Variants in NAALADL2 observed in about 807,000 individuals in gnomAD.
NAALADL2 encodes the protein N-acetylated alpha-linked acidic dipeptidase like 2.
A neutral mutation model predicts 87.2 loss-of-function variants in NAALADL2; 76 were observed. The ratio of observed to expected loss-of-function variants is 0.87; its 90% CI spans 0.72 to 1.05. The LOEUF (loss-of-function observed/expected upper bound fraction) is 1.05. Ranked by LOEUF, NAALADL2 falls within the 50% of genes least tolerant of loss-of-function variation. The probability of loss-of-function intolerance (pLI) is 0.00; values close to 1 mark genes in which losing one functional copy is unlikely to be tolerated. For synonymous variants in NAALADL2, 354 were observed against 331.0 expected (o/e 1.07, Z -0.75); for missense variants, 1,089 against 945.8 (o/e 1.15, Z -1.99).
At chr3:175,800,036 T>C (rs1753954498) in intron 13 of NAALADL2, among the ~76,000 whole-genome samples, 1 of 152,182 alleles carries the variant, frequency 6.6e-6, no homozygotes, top group South Asian at 2.1e-4. Flanking sequence ...ATTTATTGAA[T>C]ATATAGTTTA....
intron 1 of NAALADL2, among the ~76,000 whole-genome samples, chr3:174,886,039 G>T (rs955326430): frequency 6.6e-6 from 1 of 151,298 alleles, no homozygotes; most frequent in East Asian, 2.0e-4. Context: ...TCAGTCTCCT[G>T]AGTAGCTGGG....
At chr3:174,951,511 G>A (rs1230273237) in intron 1 of NAALADL2, among the ~76,000 whole-genome samples, 1 of 152,052 alleles carries the variant, frequency 6.6e-6, no homozygotes, top group Non-Finnish European at 1.5e-5. Context: ...ATCCTAATCT[G>A]TGTTCTCCTT....
At chr3:175,696,412 T>A (rs1456707197) in intron 11 of NAALADL2, among the ~76,000 whole-genome samples, 1 of 152,086 alleles carries the variant, frequency 6.6e-6, no homozygotes, top group Non-Finnish European at 1.5e-5. Flanking sequence ...GCTTGGGGGA[T>A]CATTTGGAAG....
chr3:175,223,938 T>A (rs1050878205), intron 2 of NAALADL2, among the ~76,000 whole-genome samples: 1 of 152,184 alleles, frequency 6.6e-6, no homozygotes, highest in African/African-American at 2.4e-5. Flanking sequence ...CTAAATGCTC[T>A]AAGAAACTCT....
intron 3 of NAALADL2, among the ~76,000 whole-genome samples, chr3:174,752,072 G>T (rs920918159): frequency 6.6e-6 from 1 of 151,954 alleles, no homozygotes; most frequent in Admixed American, 6.6e-5. Flanking sequence ...CTGCCTCCCG[G>T]GTTCACGCCA....
chr3:174,835,469 C>A (rs924899202), intron 3 of NAALADL2, among the ~76,000 whole-genome samples: 2 of 151,856 alleles, frequency 1.3e-5, no homozygotes, highest in African/African-American at 4.8e-5. Context: ...CATATGACAC[C>A]AAGAATACAA....
intron 2 of NAALADL2, among the ~76,000 whole-genome samples, chr3:174,685,318 T>C (rs1727930965): frequency 6.6e-6 from 1 of 152,106 alleles, no homozygotes; most frequent in East Asian, 1.9e-4. Flanking sequence ...TCATCTTGAT[T>C]CTTCTCTTTC....
At chr3:175,660,232 AT>A in intron 11 of NAALADL2, among the ~76,000 whole-genome samples, 1 of 152,242 alleles carries the variant, frequency 6.6e-6, no homozygotes, top group African/African-American at 2.4e-5. Flanking sequence ...CAACATGTAC[AT>A]TTTGGAGGGA....
At chr3:175,304,958 C>T (rs573503071) in intron 4 of NAALADL2, among the ~76,000 whole-genome samples, 59 of 151,938 alleles carry the variant, frequency 3.9e-4, no homozygotes, top group South Asian at 1.7e-3. Context: ...GTAAACTATA[C>T]GTGAACTAAA....
chr3:174,531,611 T>C (rs187862198), intron 1 of NAALADL2, among the ~76,000 whole-genome samples: 1 of 152,290 alleles, frequency 6.6e-6, no homozygotes, highest in African/African-American at 2.4e-5. Context: ...TCTGGGGAAA[T>C]GATGTTTATT....
intron 13 of NAALADL2, chr3:175,767,424 C>T (rs922390172): frequency 6.6e-6 from 1 of 151,870 alleles, no homozygotes; most frequent in Non-Finnish European, 1.5e-5. Context: ...GTATTTCCTC[C>T]CAGTCTACCT....
intron 13 of NAALADL2, among the ~76,000 whole-genome samples, chr3:175,755,708 A>G (rs745921498): frequency 4.6e-5 from 7 of 150,798 alleles, no homozygotes; most frequent in Non-Finnish European, 7.4e-5. Flanking sequence ...ATGGAATTAT[A>G]GGTTGCACTG....
chr3:174,576,468 A>G (rs1223979933), intron 2 of NAALADL2, among the ~76,000 whole-genome samples: 1 of 152,238 alleles, frequency 6.6e-6, no homozygotes, highest in Non-Finnish European at 1.5e-5. Flanking sequence ...GAATTAAAAT[A>G]TAAACATGTG....
At chr3:175,092,246 T>A (rs960565182) in intron 1 of NAALADL2, among the ~76,000 whole-genome samples, 8 of 151,862 alleles carry the variant, frequency 5.3e-5, no homozygotes, top group Admixed American at 1.3e-4. Flanking sequence ...TGCATAAAAT[T>A]AAGCATAAGT....
chr3:174,669,494 G>C (rs1027448075), intron 2 of NAALADL2, among the ~76,000 whole-genome samples: 4 of 152,084 alleles, frequency 2.6e-5, no homozygotes, highest in African/African-American at 9.7e-5. Context: ...TTGTTGAAGA[G>C]ACTGTGTTTT....
intron 9 of NAALADL2, among the ~76,000 whole-genome samples, chr3:175,511,584 T>G (rs1731160041): frequency 6.6e-6 from 1 of 152,212 alleles, no homozygotes; most frequent in African/African-American, 2.4e-5. Flanking sequence ...AATACATTTC[T>G]GTTGTTTAAG....
chr3:174,878,859 A>G (rs2109681787), intron 1 of NAALADL2, among the ~76,000 whole-genome samples: 1 of 152,216 alleles, frequency 6.6e-6, no homozygotes, highest in East Asian at 1.9e-4. Flanking sequence ...TTGTCATTCA[A>G]AACAATAATA....
rs56394841 is a variant in NAALADL2 at position 175,707,734 on chromosome 3, G to A, written c.1897-29572G>A. 5.2e-3 allele frequency among the ~76,000 whole-genome samples: 797 copies of A among 152,140 alleles called. 7 individuals are homozygous for A. Among genetic ancestry groups the A allele is most frequent in the African/African-American group, 0.018 (748 of 41,502 alleles). On this transcript the variant is annotated intron_variant, in intron 11 of 13. Coordinates refer to ENST00000454872, the MANE Select transcript of NAALADL2 (RefSeq NM_207015.3). ...TATTATTAAGTTCTTTCTAGTTGCA[G>A]AGTCTTCCCTGAAATACTAAAGTTC...
intron 1 of NAALADL2, among the ~76,000 whole-genome samples, chr3:174,975,092 G>C (rs1386224809): frequency 1.3e-5 from 2 of 152,076 alleles, no homozygotes; most frequent in African/African-American, 4.8e-5. Context: ...GTTGCCATCT[G>C]TCTTTACTTA....
Sources: gnomAD v4.1 joint callset for allele counts (sites outside exome capture counted in the v4.1 genomes callset) on GRCh38, gnomAD v4.1.1 for gene constraint, MANE v1.5 for transcripts, NCBI Gene and HGNC (gene_info 2026-07-23, HGNC 2026-07-21) for gene names.